Variants in NEK10 observed in about 807,000 individuals in gnomAD.
NEK10 encodes the protein NIMA related kinase 10, also known as serine/threonine-protein kinase Nek10.
In NEK10, 122 loss-of-function variants were observed where a neutral mutation model predicts 159.8. The observed-to-expected ratio is 0.76, with a 90% CI of 0.66 to 0.89. NEK10 has a LOEUF of 0.89. Ranked by LOEUF, NEK10 falls within the 40% of genes least tolerant of loss-of-function variation. NEK10 has a pLI of 0.00. For missense variants in NEK10, 1,342 were observed against 1,323.1 expected, an observed-to-expected ratio of 1.01 and a Z score of -0.22; for synonymous variants, 466 against 457.1, an observed-to-expected ratio of 1.02 and a Z score of -0.25.
At chr3:27,160,649 T>C (rs140251126) in intron 30 of NEK10, among the ~76,000 whole-genome samples, 19 of 152,304 alleles carry the variant, frequency 1.2e-4, no homozygotes, top group African/African-American at 4.6e-4. Context: ...CTCACATCTG[T>C]AATCCCAGCA....
At position 27,110,231 on chromosome 3, in the gene NEK10, G is replaced by C. The variant is rs200504070; in HGVS notation, c.*1041C>G. On this transcript the variant is annotated 3_prime_UTR_variant, in exon 36 of 36. Coordinates refer to ENST00000691995, the MANE Select transcript of NEK10 (RefSeq NM_001394966.1). Reference sequence around the variant, plus strand: ...AGAGTTTTAAGAAGCTGATTGAAGAGAAGGAGTTTAAGCCCAGTGAGAATC... The same window carrying C: ...AGAGTTTTAAGAAGCTGATTGAAGACAAGGAGTTTAAGCCCAGTGAGAATC... 3 of 90,286 alleles carry C rather than the reference G, an allele frequency of 3.3e-5. No individual in the cohort carries two copies. The highest frequency in any genetic ancestry group is 8.3e-5 in the Non-Finnish European group (3 of 36,194). The allele number at this position is 90,286 out of a possible 1,614,324, so 5.6% of individuals were successfully genotyped here.
intron 28 of NEK10, among the ~76,000 whole-genome samples, chr3:27,172,494 G>A (rs13070685): frequency 5.9e-5 from 9 of 151,904 alleles, no homozygotes; most frequent in Non-Finnish European, 1.0e-4. Context: ...CTCTACTCTC[G>A]TGTTTATTGC....
intron 25 of NEK10, among the ~76,000 whole-genome samples, chr3:27,197,310 G>T (rs1453396439): frequency 1.3e-5 from 2 of 151,976 alleles, no homozygotes; most frequent in Non-Finnish European, 2.9e-5. Context: ...CGAGTAGCTG[G>T]AATTACAGGC....
intron 22 of NEK10, among the ~76,000 whole-genome samples, chr3:27,283,011 T>C (rs1051222252): frequency 6.6e-6 from 1 of 152,142 alleles, no homozygotes; most frequent in Non-Finnish European, 1.5e-5. Context: ...GGCTTCGAAA[T>C]ATTTCCAAGT....
At chr3:27,281,678 G>A (rs2042169841) in intron 22 of NEK10, among the ~76,000 whole-genome samples, 1 of 152,136 alleles carries the variant, frequency 6.6e-6, no homozygotes, top group South Asian at 2.1e-4. Flanking sequence ...ACTTACTTCA[G>A]CAGAGCAGGG....
Position 27,190,519 on chromosome 3 carries a change from A to G in NEK10, c.2505+1510T>C, listed in dbSNP as rs528556984. ...GAATTTTTTAAGCTGAGAAGTGTAA[A>G]TAAATAGATAAGTAATGGTCCTTCT... On this transcript the variant is annotated intron_variant, in intron 26 of 35. Coordinates refer to ENST00000691995, the MANE Select transcript of NEK10 (RefSeq NM_001394966.1). Among the ~76,000 whole-genome samples, 17 of 152,302 alleles carry G rather than the reference A, an allele frequency of 1.1e-4. No homozygotes were observed. The East Asian group carries it at 2.9e-3, about 26-fold the overall frequency.
At chr3:27,277,456 C>T (rs757207370) in intron 22 of NEK10, among the ~76,000 whole-genome samples, 2 of 152,172 alleles carry the variant, frequency 1.3e-5, no homozygotes, top group Non-Finnish European at 2.9e-5. Context: ...ATCCTTCTAC[C>T]TCCCAGATCT....
At chr3:27,158,986 G>A (rs934499093) in intron 30 of NEK10, among the ~76,000 whole-genome samples, 4 of 151,856 alleles carry the variant, frequency 2.6e-5, no homozygotes, top group African/African-American at 9.7e-5. Flanking sequence ...CCAAATACTT[G>A]GTAATATCCA....
chr3:27,278,382 C>A (rs1264560721), intron 22 of NEK10, among the ~76,000 whole-genome samples: 4 of 152,198 alleles, frequency 2.6e-5, no homozygotes, highest in Non-Finnish European at 4.4e-5. Flanking sequence ...GAGTGAATAA[C>A]AGACGTTTTC....
At chr3:27,227,799 G>T (rs942740433) in intron 23 of NEK10, among the ~76,000 whole-genome samples, 3 of 152,226 alleles carry the variant, frequency 2.0e-5, no homozygotes, top group Non-Finnish European at 4.4e-5. Flanking sequence ...TACATAAACA[G>T]TAGAAGGTCC....
chr3:27,344,780 A>G (rs2047438044), intron 4 of NEK10, among the ~76,000 whole-genome samples: 1 of 152,178 alleles, frequency 6.6e-6, no homozygotes, highest in Admixed American at 6.5e-5. Context: ...ACTTTTCCAC[A>G]TACCCTCGAC....
At position 27,291,387 on chromosome 3, in the gene NEK10, C is replaced by A. The variant is rs1049025533; in HGVS notation, c.1480G>T (p.Asp494Tyr). Reference protein sequence around the residue: ...LVSKLNLLVEDELKQIAENIE... With the variant: ...LVSKLNLLVEYELKQIAENIE... ...TTTTCAGCAATTTGCTTCAGTTCAT[C>A]CTCCTAATCAAAATATAAAAAGGAA... Residue 494 changes from aspartate to tyrosine, a missense_variant, in exon 18 of 36, where the codon GAT becomes TAT. Physicochemically the swap from Asp to Tyr is radical, Grantham distance 160 (BLOSUM62 -3). Coordinates refer to ENST00000691995, the MANE Select transcript of NEK10 (RefSeq NM_001394966.1). The A allele has an allele frequency of 5.0e-6, 8 of 1,611,144 alleles. No individual in the cohort carries two copies. Among genetic ancestry groups the A allele is most frequent in the Non-Finnish European group, 6.8e-6 (8 of 1,178,584 alleles).
At chr3:27,255,691 A>G (rs1192744075) in intron 23 of NEK10, among the ~76,000 whole-genome samples, 2 of 152,170 alleles carry the variant, frequency 1.3e-5, no homozygotes, top group Non-Finnish European at 2.9e-5. Context: ...AGGAACCCCC[A>G]AAGTATGCCA....
chr3:27,283,588 A>G (rs1391421644), intron 22 of NEK10, among the ~76,000 whole-genome samples: 1 of 152,198 alleles, frequency 6.6e-6, no homozygotes, highest in East Asian at 1.9e-4. Flanking sequence ...ATTAAAGTCC[A>G]TGAGGGTAAC....
At chr3:27,277,271 C>A (rs2041840974) in intron 22 of NEK10, among the ~76,000 whole-genome samples, 1 of 152,020 alleles carries the variant, frequency 6.6e-6, no homozygotes, top group Non-Finnish European at 1.5e-5. Flanking sequence ...CTGAACCCAC[C>A]CTGGAACTAC....
At chr3:27,128,634 G>C (rs1209389248) in intron 32 of NEK10, among the ~76,000 whole-genome samples, 1 of 134,786 alleles carries the variant, frequency 7.4e-6, no homozygotes, top group Admixed American at 7.9e-5. Flanking sequence ...ACCAATGAGG[G>C]ATTTTTTTTT....
At chr3:27,297,892 G>A (rs551131748) in intron 13 of NEK10, among the ~76,000 whole-genome samples, 2 of 152,172 alleles carry the variant, frequency 1.3e-5, no homozygotes, top group Non-Finnish European at 2.9e-5. Context: ...CTATAGCACA[G>A]AGCTCCTATA....
intron 26 of NEK10, among the ~76,000 whole-genome samples, chr3:27,183,760 C>G (rs1013514177): frequency 6.6e-6 from 1 of 152,066 alleles, no homozygotes; most frequent in Non-Finnish European, 1.5e-5. Context: ...CCAATAAAAT[C>G]ACAGGCGAAA....
chr3:27,309,312 C>G (rs2044496938), intron 9 of NEK10: 1 of 168,296 alleles, frequency 5.9e-6, no homozygotes, highest in African/African-American at 2.4e-5. Context: ...TCAATATAAT[C>G]AAGTTGTTTA....
Sources: gnomAD v4.1 joint callset for allele counts (sites outside exome capture counted in the v4.1 genomes callset) on GRCh38, gnomAD v4.1.1 for gene constraint, MANE v1.5 for transcripts, NCBI Gene and HGNC (gene_info 2026-07-23, HGNC 2026-07-21) for gene names.